The following UNC79 variants were observed in gnomAD, a reference collection of about 807,000 sequenced individuals.
UNC79 encodes unc-79 subunit of NALCN channel complex, also known as protein unc-79 homolog.
In UNC79, 37 loss-of-function variants were observed where a neutral mutation model predicts 283.1. The ratio of observed to expected loss-of-function variants is 0.13; its 90% CI spans 0.10 to 0.17. The LOEUF is 0.17. Ranked by LOEUF, UNC79 falls within the 10% of genes least tolerant of loss-of-function variation. The pLI, the probability that UNC79 is intolerant of heterozygous loss-of-function variation, is 1.00. For synonymous variants in UNC79, 1,107 were observed against 1,200.2 expected (o/e 0.92, Z 1.61); for missense variants, 2,272 against 3,211.1 (o/e 0.71, Z 7.07).
At chr14:93,541,698 A>G (rs1377540849) in intron 13 of UNC79, among the ~76,000 whole-genome samples, 1 of 152,174 alleles carries the variant, frequency 6.6e-6, no homozygotes, top group Non-Finnish European at 1.5e-5. Context: ...AAATGAATGA[A>G]TGATGTTTTA....
At position 93,530,892 on chromosome 14, in the gene UNC79, G is replaced by C. The variant is rs138817672; in HGVS notation, c.1093+1566G>C. Among the ~76,000 whole-genome samples the C allele has an allele frequency of 2.6e-3, 396 of 152,294 alleles. 1 individual carries two copies. Among genetic ancestry groups the C allele is most frequent in the African/African-American group, 8.4e-3 (348 of 41,570 alleles). On this transcript the variant is annotated intron_variant, in intron 10 of 48. Coordinates refer to ENST00000555664, the Ensembl canonical transcript of UNC79. ...CCACTGCACTCCAGCCTGGGCAACA[G>C]AGCGAGACTCCGTCTCAGAAAAAAA...
chr14:93,651,571 A>T (rs139991089), intron 35 of UNC79, among the ~76,000 whole-genome samples: 2 of 152,282 alleles, frequency 1.3e-5, no homozygotes, highest in African/African-American at 4.8e-5. Flanking sequence ...TTTGTTGCTG[A>T]TATCTAAATA....
chr14:93,466,898 A>C, intron 1 of UNC79: 6 of 985,436 alleles, frequency 6.1e-6, no homozygotes, highest in Non-Finnish European at 6.0e-6. Context: ...TGGTGACTCC[A>C]GGTAGGTCTA....
intron 1 of UNC79, among the ~76,000 whole-genome samples, chr14:93,340,443 A>C (rs11622304): frequency 9.3e-6 from 1 of 107,670 alleles, no homozygotes; most frequent in East Asian, 3.1e-4. Context: ...CGCTGTCTCA[A>C]AAAAAAAAAA....
At chr14:93,642,882 G>C (rs1181700201) in intron 33 of UNC79, among the ~76,000 whole-genome samples, 1 of 152,188 alleles carries the variant, frequency 6.6e-6, no homozygotes, top group African/African-American at 2.4e-5. Flanking sequence ...TTTATCAGCT[G>C]GCTTTGGTCG....
Position 93,348,046 on chromosome 14 carries a change from G to C in UNC79, c.-351+14523G>C, listed in dbSNP as rs1337341870. On this transcript the variant is annotated intron_variant, in intron 1 of 49. Coordinates refer to the UNC79 transcript ENST00000256339. ...CTTCCAGGAAATGGCTGTTGGACTT[G>C]TGGTGTTTTTTACGACCTTCTTAAC... is the stretch of plus-strand genomic sequence containing the variant. The C allele has an allele frequency of 4.3e-6, 7 of 1,610,958 alleles. No individual in the cohort carries two copies. In the Admixed American group the frequency reaches 1.0e-4, roughly 23 times the overall value.
chr14:93,621,069 A>G lies in UNC79; in HGVS notation c.4388-552A>G. The G allele has an allele frequency of 4.0e-6, 2 of 502,580 alleles. No homozygotes were observed. The highest frequency in any genetic ancestry group is 1.4e-5 in the South Asian group (1 of 69,138). The allele number at this position is 502,580 out of a possible 1,614,324, so 31.1% of individuals were successfully genotyped here. ...ATGAATTTTTTCTCTTAGTAATTTT[A>G]TGCAGAAATGTTGTACTCTACCGTT... On this transcript the variant is annotated intron_variant, in intron 29 of 48. Coordinates refer to ENST00000555664, the Ensembl canonical transcript of UNC79. This position sits in a 1 kb window ranked among gnomAD's most constrained non-coding sequence, Gnocchi z 4.8.
At chr14:93,346,410 G>A (rs150812503) in intron 1 of UNC79, among the ~76,000 whole-genome samples, 140 of 152,322 alleles carry the variant, frequency 9.2e-4, no homozygotes, top group African/African-American at 3.2e-3. Context: ...TACTTTGGGA[G>A]GCTGAGACAA....
chr14:93,660,273 G>A (rs1044547787), intron 39 of UNC79, among the ~76,000 whole-genome samples: 2 of 151,920 alleles, frequency 1.3e-5, no homozygotes, highest in African/African-American at 4.8e-5. Context: ...TACAGACGAG[G>A]AAACAGGCTC....
chr14:93,480,290 T>C (rs1281546212), intron 4 of UNC79, among the ~76,000 whole-genome samples: 1 of 152,232 alleles, frequency 6.6e-6, no homozygotes, highest in Admixed American at 6.5e-5. Context: ...AGTCACTTCA[T>C]GTTCCCAAGG....
At chr14:93,680,990 T>C (rs1324029321) in intron 41 of UNC79, among the ~76,000 whole-genome samples, 1 of 152,234 alleles carries the variant, frequency 6.6e-6, no homozygotes, top group Non-Finnish European at 1.5e-5. Context: ...AAAACCTGAT[T>C]TATTTACTTT....
chr14:93,512,617 C>A (rs1228342876), intron 7 of UNC79, among the ~76,000 whole-genome samples: 1 of 152,106 alleles, frequency 6.6e-6, no homozygotes, highest in African/African-American at 2.4e-5. Flanking sequence ...TTCAAGTTCA[C>A]TGATCCTTTC....
At chr14:93,554,028 G>T (rs566245306) in intron 14 of UNC79, among the ~76,000 whole-genome samples, 150 of 152,238 alleles carry the variant, frequency 9.9e-4, no homozygotes, top group Middle Eastern at 6.8e-3. Flanking sequence ...ACAGAGAGAG[G>T]ACTCAGCTTT....
intron 25 of UNC79, among the ~76,000 whole-genome samples, chr14:93,603,010 A>G (rs2065626269): frequency 6.6e-6 from 1 of 152,230 alleles, no homozygotes; most frequent in Admixed American, 6.5e-5. Context: ...TCACTCAACT[A>G]TCCAATGATA....
At chr14:93,616,791 C>G (rs946791566) in intron 27 of UNC79, among the ~76,000 whole-genome samples, 4 of 152,186 alleles carry the variant, frequency 2.6e-5, no homozygotes, top group African/African-American at 9.7e-5. Context: ...ATTCCCATTT[C>G]TGCAGGTGGT....
At chr14:93,597,587 C>A in intron 24 of UNC79, 47 bp downstream of exon 24, 1 of 1,572,956 alleles carries the variant, frequency 6.4e-7, no homozygotes. Flanking sequence ...TTTGTGTCAG[C>A]ACTACTAAAT....
chr14:93,358,865 C>T (rs745857634), intron 1 of UNC79, among the ~76,000 whole-genome samples: 42 of 152,188 alleles, frequency 2.8e-4, no homozygotes, highest in Non-Finnish European at 1.9e-4. Context: ...CCCCAACACC[C>T]TTGTCTACTT....
chr14:93,553,051 T>G (rs2061976843), intron 14 of UNC79, among the ~76,000 whole-genome samples: 1 of 152,222 alleles, frequency 6.6e-6, no homozygotes, highest in South Asian at 2.1e-4. Flanking sequence ...ATAACCAGTT[T>G]CCCCAGTTGT....
intron 7 of UNC79, among the ~76,000 whole-genome samples, chr14:93,519,297 G>C (rs1267510046): frequency 2.6e-5 from 4 of 151,678 alleles, no homozygotes; most frequent in Non-Finnish European, 5.9e-5. Context: ...TATTAATATA[G>C]ACACTCAAGC....
Sources: gnomAD v4.1 joint callset for allele counts (sites outside exome capture counted in the v4.1 genomes callset) on GRCh38, gnomAD v4.1.1 for gene constraint, Gnocchi (gnomAD v3.1) non-coding constraint, MANE v1.5 for transcripts, NCBI Gene and HGNC (gene_info 2026-07-23, HGNC 2026-07-21) for gene names.